ZNF565: variants seen among roughly 807,000 people sequenced by gnomAD.
ZNF565 encodes the protein zinc finger protein 565.
In ZNF565, 27 loss-of-function variants were observed where a neutral mutation model predicts 39.4. The observed-to-expected ratio is 0.69, with a 90% CI of 0.51 to 0.95. ZNF565 has a LOEUF of 0.95. ZNF565 is among the 40% of genes least tolerant of loss of function. The probability of loss-of-function intolerance (pLI) is 0.00; values close to 1 mark genes in which losing one functional copy is unlikely to be tolerated. For missense variants in ZNF565, 524 were observed against 621.1 expected (o/e 0.84, Z 1.66); for synonymous variants, 185 against 216.6 (o/e 0.85, Z 1.28).
chr19:36,183,368 A>C lies in ZNF565; in HGVS notation c.598T>G (p.Cys200Gly), dbSNP rs1284180028. 6.2e-7 allele frequency: 1 copy of C among 1,608,416 alleles called. No individual in the cohort carries two copies. The highest frequency in any genetic ancestry group is 8.5e-7 in the Non-Finnish European group (1 of 1,175,090). ...TGEKPFGCKE[C>G]GKAFSRASHL... ...GAGGCACGGCTGAAGGCCTTCCCAC[A>C]TTCCTTACATCCAAAGGGTTTTTCA... The change falls in exon 5 of 5, where the codon TGT becomes GGT. Residue 200 changes from cysteine to glycine, a missense_variant. Transcript: ENST00000304116.
intron 1 of ZNF565, among the ~76,000 whole-genome samples, chr19:36,240,204 A>G (rs1334569283): frequency 6.6e-6 from 1 of 152,232 alleles, no homozygotes; most frequent in African/African-American, 2.4e-5. Flanking sequence ...AAAAATACAA[A>G]TGTTAATATA....
At chr19:36,219,942 T>G (rs2145401219) in intron 1 of ZNF565, among the ~76,000 whole-genome samples, 1 of 152,360 alleles carries the variant, frequency 6.6e-6, no homozygotes, top group South Asian at 2.1e-4. Flanking sequence ...TCCCCCTGGC[T>G]TTTTCTTTCT....
upstream of ZNF565, among the ~76,000 whole-genome samples, chr19:36,219,641 G>A (rs747165688): frequency 6.6e-6 from 1 of 152,070 alleles, no homozygotes; most frequent in Non-Finnish European, 1.5e-5. Flanking sequence ...TGACCAAAAT[G>A]TTATGTTTAC....
At chr19:36,213,676 G>A (rs574436300) in intron 1 of ZNF565, among the ~76,000 whole-genome samples, 28 of 150,646 alleles carry the variant, frequency 1.9e-4, no homozygotes, top group Non-Finnish European at 3.1e-4. Flanking sequence ...GTGAGCCACC[G>A]TGCCAGCCAT....
chr19:36,219,365 A>G (rs949391719), upstream of ZNF565, among the ~76,000 whole-genome samples: 2 of 151,678 alleles, frequency 1.3e-5, no homozygotes, highest in Non-Finnish European at 2.9e-5. Flanking sequence ...GAGTCTTACT[A>G]TGTTGCCCAG....
intron 1 of ZNF565, among the ~76,000 whole-genome samples, chr19:36,231,155 G>C (rs566013167): frequency 6.6e-6 from 1 of 152,270 alleles, no homozygotes; most frequent in East Asian, 1.9e-4. Flanking sequence ...TTGAGGCCAG[G>C]AGTTCGAGAC....
Position 36,183,337 on chromosome 19 carries a change from A to C in ZNF565, c.629T>G (p.Leu210Arg). 1 of 1,614,134 alleles carries C rather than the reference A, an allele frequency of 6.2e-7. No homozygotes were observed. Among genetic ancestry groups the C allele is most frequent in the Admixed American group, 1.7e-5 (1 of 60,006 alleles). ...CGTGTGAATTCTCTGATGCTGAACA[A>C]GGTGTGAGGCACGGCTGAAGGCCTT... is the stretch of plus-strand genomic sequence containing the variant. Reference protein sequence around the residue: ...CGKAFSRASHLVQHQRIHTGE... With the variant: ...CGKAFSRASHRVQHQRIHTGE... Residue 210 changes from leucine to arginine, a missense_variant, in exon 5 of 5, where the codon CTT (leucine) becomes CGT (arginine). By Grantham distance (102) the Leu-to-Arg change is moderately radical (BLOSUM62 -2). Coordinates refer to ENST00000304116, the MANE Select transcript of ZNF565 (RefSeq NM_152477.5).
chr19:36,194,325 AG>A lies in ZNF565; in HGVS notation c.139del (p.Leu47SerfsTer20). On this transcript the variant is annotated frameshift_variant and splice_region_variant, in exon 4 of 5. Transcript: ENST00000304116. LOFTEE classifies it high-confidence loss of function. ...ENFGHLASLGLSISKPDVVSL... is the reference protein window; with the variant it reads ...ENFGHLASLGXSISKPDVVSL... ...GACGACATCAGGCTTAGAAATGGAG[AG>A]TCCTGTTTACAGGAAAAGAAATGGG... 6.2e-7 allele frequency: 1 copy of A among 1,608,232 alleles called. No homozygotes were observed. Among genetic ancestry groups the A allele is most frequent in the Non-Finnish European group, 8.5e-7 (1 of 1,177,118 alleles).
At chr19:36,227,644 T>C (rs946623186) in intron 1 of ZNF565, among the ~76,000 whole-genome samples, 1 of 152,148 alleles carries the variant, frequency 6.6e-6, no homozygotes, top group Non-Finnish European at 1.5e-5. Context: ...CATCTTGAAC[T>C]CCTGGGCTCA....
intron 4 of ZNF565, among the ~76,000 whole-genome samples, chr19:36,186,736 G>A (rs766333588): frequency 3.3e-5 from 5 of 152,012 alleles, no homozygotes; most frequent in Admixed American, 6.6e-5. Context: ...TCAGTGAGCC[G>A]AGAATAGTGC....
chr19:36,233,769 T>A (rs1420749031), intron 1 of ZNF565, among the ~76,000 whole-genome samples: 3 of 152,222 alleles, frequency 2.0e-5, no homozygotes, highest in African/African-American at 7.2e-5. Flanking sequence ...GGTTTTCCCC[T>A]ATCTCAGTAG....
intron 2 of ZNF565, among the ~76,000 whole-genome samples, chr19:36,199,390 C>A (rs1276943311): frequency 6.6e-6 from 1 of 152,172 alleles, no homozygotes; most frequent in African/African-American, 2.4e-5. Flanking sequence ...AGACCAACAC[C>A]AATCACTACA....
intron 1 of ZNF565, chr19:36,203,428 A>G (rs1243566216): frequency 6.6e-6 from 1 of 151,908 alleles, no homozygotes; most frequent in African/African-American, 2.4e-5. Flanking sequence ...GTGAACAATC[A>G]ATGGAGATAA....
chr19:36,189,318 T>C (rs1337361797), intron 4 of ZNF565, among the ~76,000 whole-genome samples: 1 of 137,938 alleles, frequency 7.2e-6, no homozygotes. Context: ...TATTATGTAA[T>C]TTTTTTTTTT....
At chr19:36,214,951 G>A (rs1275777097), upstream of ZNF565, 1 of 152,724 alleles carries the variant, frequency 6.5e-6, no homozygotes. Context: ...AGGAGACAGA[G>A]AGTCGACCAG....
chr19:36,213,924 T>G (rs1976474446), intron 1 of ZNF565, among the ~76,000 whole-genome samples: 1 of 128,254 alleles, frequency 7.8e-6, no homozygotes, highest in African/African-American at 2.8e-5. Flanking sequence ...TACTCTCCAC[T>G]GTGATACAGT....
At chr19:36,242,822 T>C (rs1211662204) in intron 1 of ZNF565, among the ~76,000 whole-genome samples, 1 of 152,242 alleles carries the variant, frequency 6.6e-6, no homozygotes, top group African/African-American at 2.4e-5. Flanking sequence ...TGAAAAGATG[T>C]TCATAAATCA....
intron 4 of ZNF565, among the ~76,000 whole-genome samples, chr19:36,189,675 T>G (rs572735820): frequency 2.0e-5 from 3 of 152,060 alleles, no homozygotes; most frequent in African/African-American, 7.2e-5. Context: ...AAATAAAAGA[T>G]TATTATTTTT....
intron 1 of ZNF565, among the ~76,000 whole-genome samples, chr19:36,244,397 A>C (rs938359664): frequency 2.0e-5 from 3 of 152,040 alleles, no homozygotes; most frequent in Non-Finnish European, 4.4e-5. Flanking sequence ...AAAATACAAA[A>C]ATTATCTGGG....
Sources: gnomAD v4.1 joint callset for allele counts (sites outside exome capture counted in the v4.1 genomes callset) on GRCh38, gnomAD v4.1.1 for gene constraint, MANE v1.5 for transcripts, NCBI Gene and HGNC (gene_info 2026-07-23, HGNC 2026-07-21) for gene names.